Variants in NDST4 observed in about 807,000 individuals in gnomAD.
NDST4 encodes the protein N-deacetylase and N-sulfotransferase 4.
In NDST4, 63 loss-of-function variants were observed where a neutral mutation model predicts 100.8. The observed-to-expected ratio is 0.62, with a 90% CI of 0.51 to 0.77. The LOEUF is 0.77. NDST4 is among the 30% of genes least tolerant of loss of function. NDST4 has a pLI of 0.00. For missense variants in NDST4, 943 were observed against 1,018.4 expected, an observed-to-expected ratio of 0.93 and a Z score of 1.01; for synonymous variants, 377 against 361.8, an observed-to-expected ratio of 1.04 and a Z score of -0.48.
chr4:115,006,362 A>T (rs1334537819), intron 2 of NDST4, among the ~76,000 whole-genome samples: 9 of 152,126 alleles, frequency 5.9e-5, no homozygotes, highest in Admixed American at 5.9e-4. Context: ...TTCATTGCAG[A>T]TGAATAGAAG....
intron 2 of NDST4, among the ~76,000 whole-genome samples, chr4:115,011,168 C>T (rs1215260593): frequency 2.0e-5 from 3 of 151,938 alleles, no homozygotes; most frequent in Non-Finnish European, 4.4e-5. Flanking sequence ...AAGCTTAGTA[C>T]TAAGGAATAA....
intron 6 of NDST4, among the ~76,000 whole-genome samples, chr4:114,934,344 G>A (rs1022084136): frequency 5.9e-5 from 9 of 152,048 alleles, no homozygotes; most frequent in South Asian, 4.1e-4. Flanking sequence ...GAGGTCAGGA[G>A]ATCGAGACCA....
intron 11 of NDST4, among the ~76,000 whole-genome samples, chr4:114,838,990 G>A (rs1407403934): frequency 2.6e-5 from 4 of 152,068 alleles, no homozygotes; most frequent in Non-Finnish European, 5.9e-5. Flanking sequence ...TCTGCATGTG[G>A]TGTTTCGTAA....
Position 114,990,608 on chromosome 4 carries a change from G to A in NDST4, c.979-13334C>T, listed in dbSNP as rs186226229. Among the ~76,000 whole-genome samples the A allele has an allele frequency of 1.5e-3, 221 of 152,066 alleles. 2 individuals carry two copies. The highest frequency in any genetic ancestry group is 4.9e-3 in the African/African-American group (205 of 41,508). ...ATTTTACATTAATCACTAGAATTACGTTTAGAAATTTTTGAGTGATCTTTA... is the reference window on the plus strand; with the variant it reads ...ATTTTACATTAATCACTAGAATTACATTTAGAAATTTTTGAGTGATCTTTA... On this transcript the variant is annotated intron_variant, in intron 2 of 13. Transcript: ENST00000264363.
At position 115,002,561 on chromosome 4, in the gene NDST4, G is replaced by T. The variant is rs184901961; in HGVS notation, c.979-25287C>A. Among the ~76,000 whole-genome samples the T allele has an allele frequency of 3.7e-3, 559 of 152,248 alleles. 12 individuals are homozygous for T. The highest frequency in any genetic ancestry group is 3.9e-3 in the East Asian group (20 of 5,172). ...TTGCTTTTGGTGTTTTAGTCATGAA[G>T]TCTTTGCTCACGCCTATGTCCTGAA... is the stretch of plus-strand genomic sequence containing the variant. On this transcript the variant is annotated intron_variant, in intron 2 of 13. Transcript: ENST00000264363.
chr4:114,884,652 A>C (rs1258649951), intron 6 of NDST4, among the ~76,000 whole-genome samples: 1 of 152,142 alleles, frequency 6.6e-6, no homozygotes, highest in Admixed American at 6.6e-5. Context: ...TTTTCTTATA[A>C]TGTTGGCTTG....
chr4:115,010,818 T>C (rs1727528133), intron 2 of NDST4, among the ~76,000 whole-genome samples: 1 of 152,102 alleles, frequency 6.6e-6, no homozygotes, highest in Non-Finnish European at 1.5e-5. Context: ...TCAAACACAA[T>C]TCAGTTTCTT....
intron 4 of NDST4, among the ~76,000 whole-genome samples, chr4:114,942,323 T>C (rs1270808241): frequency 1.3e-5 from 2 of 152,120 alleles, no homozygotes; most frequent in East Asian, 3.8e-4. Context: ...CTGGAGACAA[T>C]TGTGGAAATC....
chr4:114,868,805 A>G (rs1189978887), intron 7 of NDST4, among the ~76,000 whole-genome samples: 3 of 151,588 alleles, frequency 2.0e-5, no homozygotes, highest in African/African-American at 4.8e-5. Context: ...AAATTCCTAA[A>G]CTTATATAAA....
chr4:114,885,495 T>G (rs1474923416), intron 6 of NDST4, among the ~76,000 whole-genome samples: 1 of 152,114 alleles, frequency 6.6e-6, no homozygotes, highest in Non-Finnish European at 1.5e-5. Context: ...CAGAATTCAA[T>G]GCTTTTTATA....
Position 115,066,557 on chromosome 4 carries a change from C to G in NDST4, c.978+9502G>C, listed in dbSNP as rs1015706573. ...CAAAATACATGAAAATAGAGCTTCT[C>G]TTTTCAAACAAGCAAAATTCTACTT... On this transcript the variant is annotated intron_variant, in intron 2 of 13. Coordinates refer to ENST00000264363, the MANE Select transcript of NDST4 (RefSeq NM_022569.3). 2.0e-5 allele frequency among the ~76,000 whole-genome samples: 3 copies of G among 152,116 alleles called. No homozygotes were observed. The East Asian group carries it at 5.8e-4, about 29-fold the overall frequency.
At chr4:115,112,201 A>G (rs2019437) in intron 1 of NDST4, among the ~76,000 whole-genome samples, 1,654 of 116,402 alleles carry the variant, frequency 0.014, 19 homozygotes, top group East Asian at 0.038. Flanking sequence ...TTTTGATATG[A>G]AAAAAAAAAA....
At chr4:115,056,872 G>T (rs1002173642) in intron 2 of NDST4, among the ~76,000 whole-genome samples, 1 of 146,576 alleles carries the variant, frequency 6.8e-6, no homozygotes, top group East Asian at 2.0e-4. Flanking sequence ...GGATGATTAC[G>T]GTCAGAGATC....
At chr4:114,935,371 AT>A (rs1725606972) in intron 5 of NDST4, 37 bp from the exon 6 acceptor site, 1 of 1,503,982 alleles carries the variant, frequency 6.6e-7, no homozygotes, top group Non-Finnish European at 8.9e-7. Flanking sequence ...CATGGACGTG[AT>A]TTAATTAAGA....
At chr4:115,005,235 A>T (rs1023948588) in intron 2 of NDST4, among the ~76,000 whole-genome samples, 2 of 152,144 alleles carry the variant, frequency 1.3e-5, no homozygotes. Context: ...CCCCTCTTTC[A>T]TGCTTACATT....
chr4:114,969,749 T>C (rs951486548), intron 4 of NDST4, among the ~76,000 whole-genome samples: 1 of 152,242 alleles, frequency 6.6e-6, no homozygotes, highest in Non-Finnish European at 1.5e-5. Context: ...TCCATGACTT[T>C]GCTGTTGTGA....
At chr4:114,934,568 A>T (rs928254451) in intron 6 of NDST4, among the ~76,000 whole-genome samples, 4 of 148,866 alleles carry the variant, frequency 2.7e-5, no homozygotes, top group Non-Finnish European at 6.0e-5. Flanking sequence ...AAAAAAAAAT[A>T]AAATAAAAAT....
intron 6 of NDST4, among the ~76,000 whole-genome samples, chr4:114,877,245 TAAC>T (rs1431069506): frequency 6.6e-6 from 1 of 152,228 alleles, no homozygotes; most frequent in Non-Finnish European, 1.5e-5. Flanking sequence ...ATTTTATTTA[TAAC>T]AACCCTATAT....
chr4:114,830,005 T>A lies in NDST4; in HGVS notation c.2397-113A>T. ...TTGTATGCCCACTGATTTAATTTAA[T>A]TCATTTTTACAGATATTTATTTAGC... On this transcript the variant is annotated intron_variant, in intron 12 of 13. Coordinates refer to ENST00000264363, the MANE Select transcript of NDST4 (RefSeq NM_022569.3). 1.1e-5 allele frequency: 8 copies of A among 730,744 alleles called. No homozygotes were observed. The South Asian group carries it at 1.3e-4, about 12-fold the overall frequency. 45.3% of individuals were successfully genotyped at this position (730,744 alleles called of 1,614,324 possible).
Sources: gnomAD v4.1 joint callset for allele counts (sites outside exome capture counted in the v4.1 genomes callset) on GRCh38, gnomAD v4.1.1 for gene constraint, MANE v1.5 for transcripts, NCBI Gene and HGNC (gene_info 2026-07-23, HGNC 2026-07-21) for gene names.